Variants in KAZN observed in about 807,000 individuals in gnomAD.
The protein encoded by KAZN is kazrin.
In KAZN, 40 loss-of-function variants were observed where a neutral mutation model predicts 87.4. That is an observed-to-expected ratio of 0.46 (90% CI 0.36 to 0.60). KAZN has a LOEUF of 0.60. KAZN is among the 20% of genes least tolerant of loss of function. The pLI is 0.00. For missense variants in KAZN, 898 were observed against 1,073.9 expected, an observed-to-expected ratio of 0.84 and a Z score of 2.29; for synonymous variants, 466 against 458.3, an observed-to-expected ratio of 1.02 and a Z score of -0.22.
chr1:14,613,075 C>G lies in KAZN; in HGVS notation c.226+13852C>G, dbSNP rs1178423112. 2.6e-5 allele frequency among the ~76,000 whole-genome samples: 4 copies of G among 152,254 alleles called. No individual in the cohort carries two copies. The South Asian group carries it at 6.2e-4, about 24-fold the overall frequency. On this transcript the variant is annotated intron_variant, in intron 1 of 14. Transcript: ENST00000376030. Reference sequence around the variant, plus strand: ...TCTATGTTGCTTAGAAGCCTTGCTCCCAGGATGAGCCGAACTTCCTATGAT... The same window carrying G: ...TCTATGTTGCTTAGAAGCCTTGCTCGCAGGATGAGCCGAACTTCCTATGAT...
chr1:14,519,843 A>G (rs1186264742), intron 2 of KAZN, among the ~76,000 whole-genome samples: 1 of 152,014 alleles, frequency 6.6e-6, no homozygotes, highest in East Asian at 1.9e-4. Context: ...CTGAGCTAGA[A>G]GTGGATAGGC....
At chr1:14,311,225 G>A (rs1452479385) in intron 2 of KAZN, among the ~76,000 whole-genome samples, 1 of 152,176 alleles carries the variant, frequency 6.6e-6, no homozygotes, top group Admixed American at 6.5e-5. Flanking sequence ...CATTCAGATA[G>A]ATCTGGATCT....
rs545198390 is a variant in KAZN, at chr1:14,369,452, A to G, written c.249+188860A>G. Among the ~76,000 whole-genome samples the G allele has an allele frequency of 1.2e-3, 184 of 152,318 alleles. 2 individuals carry two copies. The highest frequency in any genetic ancestry group is 4.1e-3 in the African/African-American group (171 of 41,590). On this transcript the variant is annotated intron_variant, in intron 2 of 16. Coordinates refer to the KAZN transcript ENST00000636203. Reference sequence around the variant, plus strand: ...TGGAGCTGAAGCTAGTCCGCTTCAAAGAAGGAGCCTTGAAATGTGCTAGCC... The same window carrying G: ...TGGAGCTGAAGCTAGTCCGCTTCAAGGAAGGAGCCTTGAAATGTGCTAGCC...
intron 1 of KAZN, among the ~76,000 whole-genome samples, chr1:13,981,303 A>T (rs7524371): frequency 0.9 from 133,082 of 147,216 alleles, 60,447 homozygotes; most frequent in African/African-American, 0.96. Flanking sequence ...TAAATTATAA[A>T]TTAGTAATAT....
intron 1 of KAZN, among the ~76,000 whole-genome samples, chr1:14,700,468 C>CT: frequency 6.9e-6 from 1 of 144,472 alleles, no homozygotes; most frequent in South Asian, 2.1e-4. Flanking sequence ...AAGACTCTGT[C>CT]TTAAAAAAAA....
intron 2 of KAZN, among the ~76,000 whole-genome samples, chr1:14,185,990 T>C (rs1646297120): frequency 6.6e-6 from 1 of 152,140 alleles, no homozygotes; most frequent in South Asian, 2.1e-4. Context: ...TTTCCATTCA[T>C]TGTATTCTGA....
intron 1 of KAZN, among the ~76,000 whole-genome samples, chr1:14,763,351 C>CAAAA (rs1419250450): frequency 2.6e-5 from 4 of 152,198 alleles, no homozygotes; most frequent in Admixed American, 6.5e-5. Context: ...GCAAGCATCC[C>CAAAA]ACTTTGGCTG....
At chr1:15,068,556 C>T (rs1218003667) in intron 8 of KAZN, among the ~76,000 whole-genome samples, 3 of 151,984 alleles carry the variant, frequency 2.0e-5, no homozygotes, top group South Asian at 4.1e-4. Context: ...TGGACCTCTG[C>T]GCGTCCCACG....
intron 1 of KAZN, among the ~76,000 whole-genome samples, chr1:13,962,846 C>T (rs906762190): frequency 1.3e-5 from 2 of 152,224 alleles, no homozygotes; most frequent in Non-Finnish European, 2.9e-5. Context: ...GCATGAGCCA[C>T]TGCACCTGGC....
intron 1 of KAZN, among the ~76,000 whole-genome samples, chr1:13,921,207 G>A (rs1330655613): frequency 5.3e-5 from 8 of 152,274 alleles, no homozygotes; most frequent in African/African-American, 1.7e-4. Context: ...ATATCTAAAT[G>A]TAATTTGATA....
chr1:14,171,855 C>A (rs999336945), intron 1 of KAZN, among the ~76,000 whole-genome samples: 3 of 152,136 alleles, frequency 2.0e-5, no homozygotes, highest in African/African-American at 7.2e-5. Context: ...TTCATCTGAT[C>A]CATAAGACAG....
chr1:14,926,557 A>G (rs915419818), intron 1 of KAZN, among the ~76,000 whole-genome samples: 5 of 152,166 alleles, frequency 3.3e-5, no homozygotes, highest in African/African-American at 4.8e-5. Flanking sequence ...TCTCTACCCT[A>G]CTGCCCTTCA....
At chr1:14,417,011 TAC>T (rs58667891) in intron 2 of KAZN, among the ~76,000 whole-genome samples, 53,773 of 145,328 alleles carry the variant, frequency 0.37, 11,347 homozygotes, top group Non-Finnish European at 0.49. Context: ...TATATATATG[TAC>T]ACACACACAC....
At chr1:14,433,790 G>T (rs370486179) in intron 2 of KAZN, among the ~76,000 whole-genome samples, 1 of 152,238 alleles carries the variant, frequency 6.6e-6, no homozygotes, top group East Asian at 1.9e-4. Context: ...AACCCGGGAG[G>T]CGGAGGTTGC....
chr1:14,591,307 T>C, intron 2 of KAZN, among the ~76,000 whole-genome samples: 1 of 152,044 alleles, frequency 6.6e-6, no homozygotes, highest in East Asian at 1.9e-4. Context: ...GGGTTATATA[T>C]TTTGCTTGGC....
chr1:14,309,416 C>T lies in KAZN; in HGVS notation c.249+128824C>T, dbSNP rs144545583. ...TTACTACAGCAGAGGACCTCAGTGT[C>T]CAGCGTGAAGTGACCAGAGACAGAG... On this transcript the variant is annotated intron_variant, in intron 2 of 16. Coordinates refer to the KAZN transcript ENST00000636203. Among the ~76,000 whole-genome samples, 92 of 152,270 alleles carry T rather than the reference C, an allele frequency of 6.0e-4. 1 individual carries two copies. The East Asian group carries it at 0.015, about 25-fold the overall frequency.
At position 14,342,902 on chromosome 1, in the gene KAZN, C is replaced by T. The variant is rs1418408910; in HGVS notation, c.249+162310C>T. Among the ~76,000 whole-genome samples, 6 of 152,032 alleles carry T rather than the reference C, an allele frequency of 3.9e-5. No homozygotes were observed. The South Asian group carries it at 6.2e-4, about 16-fold the overall frequency. The stretch of plus-strand genomic sequence containing the variant: ...ACGCCTGTAATCCCAGCATTTTGGG[C>T]GGCTAAGTTGGGAGAATCACCTGAG... On this transcript the variant is annotated intron_variant, in intron 2 of 16. Transcript: ENST00000636203.
Position 14,272,764 on chromosome 1 carries a change from C to A in KAZN, c.249+92172C>A, listed in dbSNP as rs2039765. 8.7e-3 allele frequency among the ~76,000 whole-genome samples: 1,324 copies of A among 151,916 alleles called. 22 individuals are homozygous for A. Among genetic ancestry groups the A allele is most frequent in the African/African-American group, 0.029 (1,191 of 41,440 alleles). On this transcript the variant is annotated intron_variant, in intron 2 of 16. Transcript: ENST00000636203. ...TCCCAGATACTTGGGAGGCTGAGGC[C>A]GGAGAATCACTTGAACCCGGGAGGT...
At chr1:13,984,932 G>A (rs1638938815) in intron 1 of KAZN, among the ~76,000 whole-genome samples, 1 of 152,010 alleles carries the variant, frequency 6.6e-6, no homozygotes, top group South Asian at 2.1e-4. Context: ...ATAGAATGAA[G>A]TTTATTGTGA....
Sources: gnomAD v4.1 joint callset for allele counts (sites outside exome capture counted in the v4.1 genomes callset) on GRCh38, gnomAD v4.1.1 for gene constraint, MANE v1.5 for transcripts, NCBI Gene and HGNC (gene_info 2026-07-23, HGNC 2026-07-21) for gene names.